The following PPP2R2A variants were observed in gnomAD, a reference collection of about 807,000 sequenced individuals.
PPP2R2A encodes protein phosphatase 2 regulatory subunit Balpha.
Under a neutral mutation model 53.2 loss-of-function variants are expected in PPP2R2A, and 9 were observed. The ratio of observed to expected loss-of-function variants is 0.17; its 90% confidence interval spans 0.10 to 0.30. PPP2R2A has a LOEUF of 0.30. Among genes scored for constraint, PPP2R2A ranks in the 10% least tolerant of loss-of-function variants. The pLI, the probability that PPP2R2A is intolerant of heterozygous loss-of-function variation, is 1.00. For missense variants in PPP2R2A, 235 were observed against 534.6 expected (o/e 0.44, Z 5.53); for synonymous variants, 169 against 174.2 (o/e 0.97, Z 0.23).
At chr8:26,305,967 A>G (rs1181600063) in intron 2 of PPP2R2A, among the ~76,000 whole-genome samples, 1 of 152,098 alleles carries the variant, frequency 6.6e-6, no homozygotes, top group African/African-American at 2.4e-5. Flanking sequence ...ATTTTTAGAG[A>G]CTTCTCTAGG....
intron 2 of PPP2R2A, among the ~76,000 whole-genome samples, chr8:26,319,335 G>A (rs1001841566): frequency 3.3e-5 from 5 of 152,088 alleles, no homozygotes; most frequent in African/African-American, 1.2e-4. Context: ...AAGAAGTGCA[G>A]CTAGTGTATC....
At chr8:26,366,155 A>G in intron 8 of PPP2R2A, 160 bp from the exon 9 acceptor site, 1 of 592,394 alleles carries the variant, frequency 1.7e-6, no homozygotes, top group East Asian at 3.1e-5. Context: ...GTGTTTTGTA[A>G]AAGGACAAAA....
rs141226897 is a variant in PPP2R2A at position 26,346,660 on chromosome 8, A to G, written c.180+7673A>G. ...GTATTGAAATTGGGTTCTTTCTCAA[A>G]TATCTCTCTATAGCCTTTCAGAGTA... On this transcript the variant is annotated intron_variant, in intron 3 of 9. Coordinates refer to ENST00000380737, the MANE Select transcript of PPP2R2A (RefSeq NM_002717.4). 3.3e-5 allele frequency among the ~76,000 whole-genome samples: 5 copies of G among 152,324 alleles called. No individual in the cohort carries two copies. In the East Asian group the frequency reaches 7.7e-4, roughly 24 times the overall value.
intron 2 of PPP2R2A, among the ~76,000 whole-genome samples, chr8:26,313,078 G>A (rs553463670): frequency 2.8e-5 from 4 of 141,840 alleles, no homozygotes; most frequent in Non-Finnish European, 6.0e-5. Context: ...TTGTTCTGTC[G>A]CCCAGGCTGG....
chr8:26,313,106 T>C (rs1395558919), intron 2 of PPP2R2A, among the ~76,000 whole-genome samples: 1 of 151,508 alleles, frequency 6.6e-6, no homozygotes, highest in African/African-American at 2.4e-5. Flanking sequence ...CCATCTTGGC[T>C]CACTGCAGCC....
chr8:26,350,853 G>T (rs1488396749), intron 3 of PPP2R2A, among the ~76,000 whole-genome samples: 1 of 151,966 alleles, frequency 6.6e-6, no homozygotes, highest in African/African-American at 2.4e-5. Flanking sequence ...CTCTTTTTCA[G>T]TTACATTTGT....
chr8:26,320,954 G>A (rs956083942), intron 2 of PPP2R2A, among the ~76,000 whole-genome samples: 3 of 152,140 alleles, frequency 2.0e-5, no homozygotes, highest in Non-Finnish European at 2.9e-5. Flanking sequence ...AGCTTGTCTT[G>A]ACTTTGGGAG....
intron 2 of PPP2R2A, among the ~76,000 whole-genome samples, chr8:26,296,122 C>G (rs1801530032): frequency 6.6e-6 from 1 of 152,204 alleles, no homozygotes; most frequent in African/African-American, 2.4e-5. Flanking sequence ...CAGGTTTGCA[C>G]TCTCCCTCAT....
At chr8:26,351,753 C>T (rs762178369) in intron 3 of PPP2R2A, among the ~76,000 whole-genome samples, 2 of 152,196 alleles carry the variant, frequency 1.3e-5, no homozygotes, top group Non-Finnish European at 2.9e-5. Flanking sequence ...TCTGGGCCAT[C>T]TGTTCTGTTT....
chr8:26,292,701 A>T (rs1188975188), intron 1 of PPP2R2A, among the ~76,000 whole-genome samples: 2 of 152,188 alleles, frequency 1.3e-5, no homozygotes, highest in Admixed American at 6.5e-5. Context: ...AATTGCTTTG[A>T]GAATTCTTTT....
Position 26,360,384 on chromosome 8 carries a change from C to T in PPP2R2A, c.459+103C>T, listed in dbSNP as rs955629949. 9.7e-6 allele frequency: 6 copies of T among 617,994 alleles called. No homozygotes were observed. The highest frequency in any genetic ancestry group is 9.0e-5 in the Admixed American group (3 of 33,224). 38.3% of individuals were successfully genotyped at this position (617,994 alleles called of 1,614,324 possible). ...ATAGGAATAATTACAGTCTATCTCCCCTTTCCCAGTAATTCTGTAATCAGG... is the reference window on the plus strand; with the variant it reads ...ATAGGAATAATTACAGTCTATCTCCTCTTTCCCAGTAATTCTGTAATCAGG... On this transcript the variant is annotated intron_variant, in intron 5 of 9. Coordinates refer to ENST00000380737, the MANE Select transcript of PPP2R2A (RefSeq NM_002717.4). The surrounding 1 kb of genome is among the most constrained non-coding windows in gnomAD (Gnocchi z 4.5).
intron 2 of PPP2R2A, among the ~76,000 whole-genome samples, chr8:26,312,660 T>TAA (rs1356659819): frequency 6.6e-6 from 1 of 152,266 alleles, no homozygotes; most frequent in African/African-American, 2.4e-5. Flanking sequence ...CTCTAGTTGT[T>TAA]ACTTTAAATT....
At chr8:26,355,993 G>T (rs1366127135) in intron 4 of PPP2R2A, among the ~76,000 whole-genome samples, 1 of 152,090 alleles carries the variant, frequency 6.6e-6, no homozygotes, top group Non-Finnish European at 1.5e-5. Context: ...CTTTGTTGGG[G>T]TCTTGAGTCT....
At position 26,360,813 on chromosome 8, in the gene PPP2R2A, A is replaced by G; in HGVS notation, c.460-161A>G. The G allele has an allele frequency of 1.7e-6, 1 of 602,980 alleles. No homozygotes were observed. Among genetic ancestry groups the G allele is most frequent in the South Asian group, 2.6e-5 (1 of 38,142 alleles). The allele number at this position is 602,980 out of a possible 1,614,324, so 37.4% of individuals were successfully genotyped here. ...CCACATTGTTCATTTTTTCTTCAGCACTCGAAAGGATCAACATCAGTTGCT... is the reference window on the plus strand; with the variant it reads ...CCACATTGTTCATTTTTTCTTCAGCGCTCGAAAGGATCAACATCAGTTGCT... On this transcript the variant is annotated intron_variant, in intron 5 of 9. Coordinates refer to ENST00000380737, the MANE Select transcript of PPP2R2A (RefSeq NM_002717.4). This position sits in a 1 kb window ranked among gnomAD's most constrained non-coding sequence, Gnocchi z 4.5.
intron 2 of PPP2R2A, among the ~76,000 whole-genome samples, chr8:26,306,369 A>C (rs530182872): frequency 6.6e-6 from 1 of 151,674 alleles, no homozygotes; most frequent in Non-Finnish European, 1.5e-5. Flanking sequence ...CCAGCTGCTC[A>C]GAAGGCTGAG....
intron 2 of PPP2R2A, among the ~76,000 whole-genome samples, chr8:26,295,005 A>G (rs546223427): frequency 1.3e-5 from 2 of 152,222 alleles, no homozygotes; most frequent in African/African-American, 4.8e-5. Context: ...TCAGAGAAGT[A>G]AGTCCTGACT....
rs3808571 is a variant in PPP2R2A, at chr8:26,339,477, A to G, written c.180+490A>G. Among the ~76,000 whole-genome samples, 347 of 152,326 alleles carry G rather than the reference A, an allele frequency of 2.3e-3. 3 individuals are homozygous for G. The East Asian group carries it at 0.025, about 11-fold the overall frequency. ...ATGTAAAGGTTTAAATGACAGTTGC[A>G]TGTACATGCATGTAAAGTAACTTAA... is the stretch of plus-strand genomic sequence containing the variant. On this transcript the variant is annotated intron_variant, in intron 3 of 9. Coordinates refer to ENST00000380737, the MANE Select transcript of PPP2R2A (RefSeq NM_002717.4).
At chr8:26,343,488 C>G (rs1282147001) in intron 3 of PPP2R2A, among the ~76,000 whole-genome samples, 1 of 151,804 alleles carries the variant, frequency 6.6e-6, no homozygotes, top group South Asian at 2.1e-4. Flanking sequence ...TCTCCTGCCT[C>G]AGCCTCCTGA....
chr8:26,322,624 G>T (rs1365547620), intron 2 of PPP2R2A, among the ~76,000 whole-genome samples: 1 of 151,952 alleles, frequency 6.6e-6, no homozygotes, highest in East Asian at 1.9e-4. Flanking sequence ...ACCCAGCTGA[G>T]TAGTTAGCAT....
Sources: allele counts gnomAD v4.1 joint callset (sites outside exome capture counted in the v4.1 genomes callset), GRCh38; gene constraint gnomAD v4.1.1; non-coding constraint Gnocchi (gnomAD v3.1); transcripts MANE v1.5; gene names NCBI Gene and HGNC (gene_info 2026-07-23, HGNC 2026-07-21).